The following UNC5CL variants were observed in gnomAD, a reference collection of about 807,000 sequenced individuals.
UNC5CL encodes the protein unc-5 family C-terminal like, also known as UNC5C-like protein.
A neutral mutation model predicts 54.1 loss-of-function variants in UNC5CL; 42 were observed. The ratio of observed to expected loss-of-function variants is 0.78; its 90% CI spans 0.61 to 1.00. The LOEUF (loss-of-function observed/expected upper bound fraction) is 1.00, where lower values mean the gene tolerates loss of function less well. UNC5CL is among the 50% of genes least tolerant of loss of function. The pLI is 0.00. For synonymous variants in UNC5CL, 285 were observed against 285.1 expected (o/e 1.00, Z 0.00); for missense variants, 619 against 675.6 (o/e 0.92, Z 0.93).
chr6:41,032,826 C>A, intron 4 of UNC5CL, 58 bp downstream of exon 4: 2 of 1,503,260 alleles, frequency 1.3e-6, no homozygotes, highest in Non-Finnish European at 1.8e-6. Flanking sequence ...AGGCCCAGAA[C>A]CCTTCATTCC....
Position 41,029,505 on chromosome 6 carries a change from G to A in UNC5CL, c.1334+883C>T, listed in dbSNP as rs1432406363. Among the ~76,000 whole-genome samples, 1 of 152,254 alleles carries A rather than the reference G, an allele frequency of 6.6e-6. No homozygotes were observed. Among genetic ancestry groups the A allele is most frequent in the Non-Finnish European group, 1.5e-5 (1 of 68,054 alleles). On this transcript the variant is annotated intron_variant, in intron 8 of 8. Transcript: ENST00000244565. The surrounding 1 kb of genome is among the most constrained non-coding windows in gnomAD (Gnocchi z 4.1). ...CAAGCTCTCTGAACCCTTTACTAGTGTGTGCGCTCCTAGGCGCCGGGACCA... is the reference window on the plus strand; with the variant it reads ...CAAGCTCTCTGAACCCTTTACTAGTATGTGCGCTCCTAGGCGCCGGGACCA...
chr6:41,034,320 G>A, intron 2 of UNC5CL, 139 bp from the exon 3 acceptor site: 1 of 1,032,052 alleles, frequency 9.7e-7, no homozygotes, highest in Non-Finnish European at 1.4e-6. Flanking sequence ...GAAGTGGTAT[G>A]AACAAGAGTA....
chr6:41,033,807 A>C (rs1227045862), intron 3 of UNC5CL, 74 bp downstream of exon 3: 3 of 1,500,068 alleles, frequency 2.0e-6, no homozygotes, highest in Non-Finnish European at 2.7e-6. Context: ...GATAAGGCAG[A>C]CAGAGAAAGT....
Position 41,030,486 on chromosome 6 carries a change from G to A in UNC5CL, c.1236C>T (p.Leu412=). ...CCAATAACATCCGCAGCTGCTCAAA[G>A]AGCTCTGGGGGCAGCCTTAGGCAGG... The part of the protein sequence containing the change: ...PPPCNRLPPE[L]FEQLRMLLEP... The change falls in exon 8 of 9, where the codon CTC becomes CTT. Residue 412 remains leucine (L), a synonymous_variant. Transcript: ENST00000244565. 1 of 1,614,212 alleles carries A rather than the reference G, an allele frequency of 6.2e-7. No individual in the cohort carries two copies. The highest frequency in any genetic ancestry group is 8.5e-7 in the Non-Finnish European group (1 of 1,180,042).
In UNC5CL at chr6:41,033,880, C is replaced by T. The variant is rs1561830293; in HGVS notation, c.686+1G>A. On this transcript the variant is annotated splice_donor_variant, in intron 3 of 8. Coordinates refer to ENST00000244565, the MANE Select transcript of UNC5CL (RefSeq NM_173561.3). LOFTEE classifies it high-confidence loss of function. ...AAGACAGGCCAATGGCATGTGCCTA[C>T]CTGAAGTGGGAGAGGTGGATGCGAC... 2 of 1,612,178 alleles carry T rather than the reference C, an allele frequency of 1.2e-6. No individual in the cohort carries two copies. The highest frequency in any genetic ancestry group is 1.1e-5 in the South Asian group (1 of 90,906).
Position 41,032,062 on chromosome 6 carries a change from C to T in UNC5CL, c.1025G>A (p.Arg342His), listed in dbSNP as rs752797482. 39 of 1,614,010 alleles carry T rather than the reference C, an allele frequency of 2.4e-5. No homozygotes were observed. Among genetic ancestry groups the T allele is most frequent in the South Asian group, 9.9e-5 (9 of 91,088 alleles). The change falls in exon 5 of 9, where the codon CGC (arginine) becomes CAC (histidine). Residue 342 changes from arginine to histidine, a missense_variant. Transcript: ENST00000244565. ...LHIWHGKCPF[R>H]SFCFRRKAAD... is the part of the protein sequence containing the mutation. ...TGCTTTTCTCCGGAAGCAGAAGGAG[C>T]GGAAGGGGCACTTTCCATGCCAGAT... is the stretch of plus-strand genomic sequence containing the variant.
chr6:41,028,283 A>T lies in UNC5CL; in HGVS notation c.*90T>A. The T allele has an allele frequency of 1.5e-6, 2 of 1,310,206 alleles. No homozygotes were observed. The highest frequency in any genetic ancestry group is 2.0e-6 in the Non-Finnish European group (2 of 978,222). The allele number at this position is 1,310,206 out of a possible 1,614,324, so 81.2% of individuals were successfully genotyped here. A position where few individuals can be genotyped will look rare whatever the true frequency, so the allele number is the denominator to read the frequency against. On this transcript the variant is annotated 3_prime_UTR_variant, in exon 9 of 9. Transcript: ENST00000244565. This position sits in a 1 kb window ranked among gnomAD's most constrained non-coding sequence, Gnocchi z 4.3. The stretch of plus-strand genomic sequence containing the variant: ...GAGGGTTCTGGGAAGGGTGGTGGGC[A>T]CAGCCAGGAACAGCTGCTGTGTTCC...
At chr6:41,032,595 C>A (rs887164790) in intron 4 of UNC5CL, among the ~76,000 whole-genome samples, 1 of 152,082 alleles carries the variant, frequency 6.6e-6, no homozygotes, top group African/African-American at 2.4e-5. Context: ...CCCGTCTCTA[C>A]CAAAAATACA....
In UNC5CL at chr6:41,034,149, A is replaced by AT; in HGVS notation, c.417_418insA (p.Ser140IlefsTer81). 1 of 1,610,880 alleles carries AT rather than the reference A, an allele frequency of 6.2e-7. No homozygotes were observed. Among genetic ancestry groups the AT allele is most frequent in the South Asian group, 1.1e-5 (1 of 90,962 alleles). On this transcript the variant is annotated frameshift_variant, in exon 3 of 9. Transcript: ENST00000244565. LOFTEE classifies it high-confidence loss of function. ...GACAGGTCCCACACCAGGATCAAAG[A>AT]CACCCGCTCCTGGCGGCCCACAGCC...
rs755757582 is a variant in UNC5CL, at chr6:41,030,666, G to A, written c.1209C>T (p.Pro403=). ...AACCCCCGTCTCACCTATTGCATGG[G>A]GGCGGCTGGGAAACAGGTGGTGGCG... ...WAAPPPVSQP[P]PCNRLPPELF... Residue 403 remains proline, a synonymous_variant, in exon 7 of 9, where the codon CCC becomes CCT. Coordinates refer to ENST00000244565, the MANE Select transcript of UNC5CL (RefSeq NM_173561.3). 3 of 1,614,078 alleles carry A rather than the reference G, an allele frequency of 1.9e-6. No individual in the cohort carries two copies. Among genetic ancestry groups the A allele is most frequent in the Admixed American group, 1.7e-5 (1 of 60,028 alleles).
chr6:41,034,991 G>A lies in UNC5CL; in HGVS notation c.84C>T (p.Ala28=), dbSNP rs762721073. 6.2e-7 allele frequency: 1 copy of A among 1,607,040 alleles called. No homozygotes were observed. The highest frequency in any genetic ancestry group is 8.5e-7 in the Non-Finnish European group (1 of 1,174,204). The stretch of plus-strand genomic sequence containing the variant: ...TAGGGCAGTGCCATCGAAGGCATTG[G>A]GCCAGAAGGAGGACACTTGCCACTG... The part of the protein sequence containing the change: ...GVPVASVLLL[A]QCLRWHCPRR... Residue 28 remains alanine (A), a synonymous_variant, in exon 2 of 9, where the codon GCC becomes GCT. Transcript: ENST00000244565.
In UNC5CL at chr6:41,034,833, TG is replaced by T; in HGVS notation, c.241del (p.Gln81ArgfsTer16). ...GCCTTGAGTGGGTGTGTGTAGCTCC[TG>T]GTAGAAGGCAACCATCTCTGGCAGT... Reference protein sequence around the residue: ...ATLPEMVAFYQELHTPTQGQT... With the variant: ...ATLPEMVAFYXELHTPTQGQT... On this transcript the variant is annotated frameshift_variant, in exon 2 of 9. Coordinates refer to ENST00000244565, the MANE Select transcript of UNC5CL (RefSeq NM_173561.3). LOFTEE classifies it high-confidence loss of function. The T allele has an allele frequency of 1.9e-6, 3 of 1,614,240 alleles. No individual in the cohort carries two copies. The highest frequency in any genetic ancestry group is 2.5e-6 in the Non-Finnish European group (3 of 1,180,036).
chr6:41,034,980 C>T lies in UNC5CL; in HGVS notation c.95G>A (p.Arg32Gln), dbSNP rs910272714. ...ASVLLLAQCLRWHCPRRLLGA... is the reference protein window; with the variant it reads ...ASVLLLAQCLQWHCPRRLLGA... ...CAGCAGCCTTCTAGGGCAGTGCCAT[C>T]GAAGGCATTGGGCCAGAAGGAGGAC... is the stretch of plus-strand genomic sequence containing the variant. The change falls in exon 2 of 9, where the codon CGA (arginine) becomes CAA (glutamine). Residue 32 changes from arginine to glutamine, a missense_variant. Coordinates refer to ENST00000244565, the MANE Select transcript of UNC5CL (RefSeq NM_173561.3). 21 of 1,610,218 alleles carry T rather than the reference C, an allele frequency of 1.3e-5. No individual in the cohort carries two copies. The highest frequency in any genetic ancestry group is 6.7e-5 in the East Asian group (3 of 44,784).
chr6:41,027,705 C>CT lies in UNC5CL; in HGVS notation c.*667dup, dbSNP rs747381122. On this transcript the variant is annotated 3_prime_UTR_variant, in exon 9 of 9. Coordinates refer to ENST00000244565, the MANE Select transcript of UNC5CL (RefSeq NM_173561.3). ...CCACGGGGATGGGCTCCCATGCCCA[C>CT]TTTCGGCTCCTACCTTAAGTCCAGC... is the stretch of plus-strand genomic sequence containing the variant. 1.3e-5 allele frequency: 2 copies of CT among 152,242 alleles called. No homozygotes were observed. The highest frequency in any genetic ancestry group is 1.5e-5 in the Non-Finnish European group (1 of 68,070). 9.4% of individuals were successfully genotyped at this position (152,242 alleles called of 1,614,324 possible). A position where few individuals can be genotyped will look rare whatever the true frequency, so the allele number is the denominator to read the frequency against.
Position 41,034,723 on chromosome 6 carries a change from G to A in UNC5CL, c.352C>T (p.Gln118Ter). 1.2e-6 allele frequency: 2 copies of A among 1,606,254 alleles called. No homozygotes were observed. The highest frequency in any genetic ancestry group is 1.7e-6 in the Non-Finnish European group (2 of 1,179,970). The change falls in exon 2 of 9, where the codon CAG (glutamine) becomes TAG (stop). Residue 118 changes from glutamine to a stop codon, truncating the protein, a stop_gained. Transcript: ENST00000244565. LOFTEE classifies it high-confidence loss of function. ...VDHRGGCLMLQDTGISLLIPP... is the reference protein window; with the variant it reads ...VDHRGGCLML The stretch of plus-strand genomic sequence containing the variant: ...ATGAGCAAGGAGATGCCTGTATCCT[G>A]GAGCATCAGGCAACCGCCGCGGTGA...
rs148670174 is a variant in UNC5CL at position 41,033,992 on chromosome 6, C to T, written c.575G>A (p.Arg192His). The T allele has an allele frequency of 1.2e-4, 190 of 1,614,156 alleles. No individual in the cohort carries two copies. The highest frequency in any genetic ancestry group is 8.2e-4 in the Middle Eastern group (5 of 6,062). ...CAGGGTAGTGTTGCTGCTGTAGGTGCGAGCATGGCTGGGCTGCTCGGCACA... is the reference window on the plus strand; with the variant it reads ...CAGGGTAGTGTTGCTGCTGTAGGTGTGAGCATGGCTGGGCTGCTCGGCACA... ...KHCAEQPSHA[R>H]TYSSNTTLLD... Residue 192 changes from arginine to histidine, a missense_variant, in exon 3 of 9, where the codon CGC becomes CAC. Physicochemically the swap from Arg to His is conservative, Grantham distance 29. Coordinates refer to ENST00000244565, the MANE Select transcript of UNC5CL (RefSeq NM_173561.3).
rs1306982850 is a variant in UNC5CL, at chr6:41,029,436, T to C, written c.1335-841A>G. On this transcript the variant is annotated intron_variant, in intron 8 of 8. Coordinates refer to ENST00000244565, the MANE Select transcript of UNC5CL (RefSeq NM_173561.3). The surrounding 1 kb of genome is among the most constrained non-coding windows in gnomAD (Gnocchi z 4.1). ...CTCTCTTCAATGTGTTATACAATAC[T>C]GGATTCTTACAGGAAGGCACAAGGA... Among the ~76,000 whole-genome samples the C allele has an allele frequency of 6.6e-6, 1 of 152,264 alleles. No homozygotes were observed. Among genetic ancestry groups the C allele is most frequent in the African/African-American group, 2.4e-5 (1 of 41,466 alleles).
In UNC5CL at chr6:41,031,770, G is replaced by A. The variant is rs201697486; in HGVS notation, c.1052-22C>T. On this transcript the variant is annotated intron_variant, in intron 5 of 8. Coordinates refer to ENST00000244565, the MANE Select transcript of UNC5CL (RefSeq NM_173561.3). ...TCGGCTATAAAGAGAAGGTGACAGC[G>A]TGGCCAGTGAGTGAGGAAACGGCCT... 6.4e-5 allele frequency: 104 copies of A among 1,613,782 alleles called. No individual in the cohort carries two copies. In the South Asian group the frequency reaches 6.6e-4, roughly 10 times the overall value.
chr6:41,035,389 C>T (rs1365304819), intron 1 of UNC5CL, among the ~76,000 whole-genome samples: 3 of 152,182 alleles, frequency 2.0e-5, no homozygotes, highest in Admixed American at 6.5e-5. Flanking sequence ...CAAATGTCAC[C>T]TTGGTCACTG....
Sources: gnomAD v4.1 joint callset for allele counts (sites outside exome capture counted in the v4.1 genomes callset) on GRCh38, gnomAD v4.1.1 for gene constraint, Gnocchi (gnomAD v3.1) non-coding constraint, MANE v1.5 for transcripts, NCBI Gene and HGNC (gene_info 2026-07-23, HGNC 2026-07-21) for gene names.